NRK: variants seen among roughly 807,000 people sequenced by gnomAD.
NRK encodes nik-related protein kinase.
A neutral mutation model predicts 125.2 loss-of-function variants in NRK; 67 were observed. The ratio of observed to expected loss-of-function variants is 0.54; its 90% CI spans 0.44 to 0.66. The LOEUF (loss-of-function observed/expected upper bound fraction) is 0.66. Among genes scored for constraint, NRK ranks in the 30% least tolerant of loss-of-function variants. The pLI is 0.00. For missense variants in NRK, 1,224 were observed against 1,192.9 expected, an observed-to-expected ratio of 1.03 and a Z score of -0.38; for synonymous variants, 458 against 429.0, an observed-to-expected ratio of 1.07 and a Z score of -0.84.
At chrX:105,933,799 G>C (rs1478089618) in intron 19 of NRK, among the ~76,000 whole-genome samples, 1 of 111,863 alleles carries the variant, frequency 8.9e-6, no homozygotes, top group Non-Finnish European at 1.9e-5. Flanking sequence ...GTATGCTTTG[G>C]AATCAGACAG....
At chrX:105,939,084 A>T (rs2040703055) in intron 22 of NRK, among the ~76,000 whole-genome samples, 1 of 111,806 alleles carries the variant, frequency 8.9e-6, no homozygotes, top group East Asian at 2.8e-4. Context: ...TTGGATTAAA[A>T]TTCGAGACCA....
chrX:105,912,607 TAAC>T, intron 13 of NRK, 38 bp from the exon 14 acceptor site: 1 of 698,021 alleles, frequency 1.4e-6, no homozygotes, highest in Non-Finnish European at 2.1e-6. Flanking sequence ...ACTTGCATTT[TAAC>T]AACAATTAAA....
At chrX:105,868,707 C>T (rs1366845986) in intron 2 of NRK, among the ~76,000 whole-genome samples, 1 of 106,849 alleles carries the variant, frequency 9.4e-6, no homozygotes, top group African/African-American at 3.4e-5. Flanking sequence ...ACTTTCCCCC[C>T]ATCCACTTCC....
chrX:105,896,271 G>A (rs1463087235), intron 7 of NRK, among the ~76,000 whole-genome samples: 1 of 111,612 alleles, frequency 9.0e-6, no homozygotes, highest in East Asian at 2.8e-4. Flanking sequence ...ATAATCCCAT[G>A]GATATAGAGG....
Position 105,958,359 on chromosome X carries a change from G to A in NRK, c.*2759G>A, listed in dbSNP as rs1465926481. The A allele has an allele frequency of 2.7e-5, 3 of 112,087 alleles. No individual in the cohort carries two copies. Among genetic ancestry groups the A allele is most frequent in the African/African-American group, 9.7e-5 (3 of 30,836 alleles). The allele number at this position is 112,087 out of a possible 1,213,427, so 9.2% of individuals were successfully genotyped here. On this transcript the variant is annotated 3_prime_UTR_variant, in exon 29 of 29. Transcript: ENST00000243300. ...AAGTTTTAATATTTTAGCGCTATCA[G>A]TTTCTAAATGCATTAATTACTAACT...
chrX:105,908,231 T>TA lies in NRK; in HGVS notation c.1022-2dup, dbSNP rs773898090. ...TTATGCATTATGTTTTTCTCTTTTG[T>TA]AAAAAAAGGAATACCTTTGATCTTT... is the stretch of plus-strand genomic sequence containing the variant. On this transcript the variant is annotated splice_polypyrimidine_tract_variant and intron_variant, in intron 11 of 28. Transcript: ENST00000243300. The TA allele has an allele frequency of 1.9e-5, 20 of 1,049,904 alleles. No individual in the cohort carries two copies. The East Asian group carries it at 2.0e-4, about 11-fold the overall frequency. 86.5% of individuals were successfully genotyped at this position (1,049,904 alleles called of 1,213,427 possible).
chrX:105,908,392 C>A, intron 12 of NRK, 89 bp downstream of exon 12: 1 of 479,944 alleles, frequency 2.1e-6, no homozygotes. Flanking sequence ...TTCAGAAAGA[C>A]TTAATTCTTT....
Position 105,955,493 on chromosome X carries a change from T to G in NRK, c.4654-12T>G. On this transcript the variant is annotated splice_polypyrimidine_tract_variant and intron_variant, in intron 28 of 28. Transcript: ENST00000243300. Reference sequence around the variant, plus strand: ...AAATATCTGTTGACAGTGTATTTCTTTCTTTTTCAAGCTGTTCTTTACCTC... The same window carrying G: ...AAATATCTGTTGACAGTGTATTTCTGTCTTTTTCAAGCTGTTCTTTACCTC... 1 of 1,106,229 alleles carries G rather than the reference T, an allele frequency of 9.0e-7. No individual in the cohort carries two copies. Among genetic ancestry groups the G allele is most frequent in the South Asian group, 2.0e-5 (1 of 50,368 alleles). The allele number at this position is 1,106,229 out of a possible 1,213,427, so 91.2% of individuals were successfully genotyped here.
At position 105,905,282 on chromosome X, in the gene NRK, C is replaced by A. The variant is rs2040206143; in HGVS notation, c.784C>A (p.Pro262Thr). The A allele has an allele frequency of 1.7e-6, 2 of 1,204,889 alleles. No individual in the cohort carries two copies. Among genetic ancestry groups the A allele is most frequent in the Non-Finnish European group, 2.2e-6 (2 of 890,913 alleles). The change falls in exon 10 of 29, where the codon CCC (proline) becomes ACC (threonine). Residue 262 changes from proline to threonine, a missense_variant. By Grantham distance (38) the Pro-to-Thr change is conservative. Transcript: ENST00000243300. Reference sequence around the variant, plus strand: ...CTTTGCAGCTCTGTGTAACCTTCAACCCTTGGAAGCTCTCTTCGTTATTTT... The same window carrying A: ...CTTTGCAGCTCTGTGTAACCTTCAAACCTTGGAAGCTCTCTTCGTTATTTT... ...EGAPPLCNLQ[P>T]LEALFVILRE...
Position 105,923,133 on chromosome X carries a change from A to C in NRK, c.2626A>C (p.Lys876Gln). 1 of 1,200,424 alleles carries C rather than the reference A, an allele frequency of 8.3e-7. No individual in the cohort carries two copies. Among genetic ancestry groups the C allele is most frequent in the Non-Finnish European group, 1.1e-6 (1 of 887,051 alleles). ...GTGCACACAGGTTCCAGATGGATTT[A>C]AAGTAGGAAAAATATCACCCCCTGT... Reference protein sequence around the residue: ...LVDIHVPDGFKVGKISPPVYL... With the variant: ...LVDIHVPDGFQVGKISPPVYL... Residue 876 changes from lysine (K) to glutamine (Q), a missense_variant, in exon 18 of 29, where the codon AAA (lysine) becomes CAA (glutamine). Lys to Gln is a moderately conservative substitution (Grantham distance 53). Coordinates refer to ENST00000243300, the MANE Select transcript of NRK (RefSeq NM_198465.4).
At position 105,826,259 on chromosome X, in the gene NRK, TA is replaced by T. The variant is rs1270688556; in HGVS notation, c.57+3358del. ...CATATATAATATATATGATAATATA[TA>T]TTTCATATATAATATATATGAAATA... On this transcript the variant is annotated intron_variant, in intron 1 of 28. Coordinates refer to ENST00000243300, the MANE Select transcript of NRK (RefSeq NM_198465.4). Among the ~76,000 whole-genome samples the T allele has an allele frequency of 3.8e-5, 3 of 78,914 alleles. No homozygotes were observed. The East Asian group carries it at 1.0e-3, about 27-fold the overall frequency. 68.5% of individuals were successfully genotyped at this position (78,914 alleles called of 115,157 possible).
At chrX:105,850,695 C>T (rs2039461183) in intron 2 of NRK, among the ~76,000 whole-genome samples, 1 of 112,013 alleles carries the variant, frequency 8.9e-6, no homozygotes, top group Admixed American at 9.5e-5. Flanking sequence ...GGCAAAATGC[C>T]ACCAGTCTCT....
chrX:105,877,591 G>C (rs1339106537), intron 2 of NRK, among the ~76,000 whole-genome samples: 1 of 110,293 alleles, frequency 9.1e-6, no homozygotes, highest in Non-Finnish European at 1.9e-5. Context: ...GGTACAGGGG[G>C]AACTCTTCTG....
chrX:105,927,860 T>C (rs1180272870), intron 19 of NRK, among the ~76,000 whole-genome samples: 2 of 111,535 alleles, frequency 1.8e-5, no homozygotes, highest in Non-Finnish European at 3.8e-5. Context: ...ATTTTTGATA[T>C]GGTATTGGAT....
intron 23 of NRK, among the ~76,000 whole-genome samples, chrX:105,941,893 C>T (rs1225056343): frequency 9.1e-6 from 1 of 110,269 alleles, no homozygotes; most frequent in Non-Finnish European, 1.9e-5. Context: ...TATTCATTAA[C>T]AGTTACCCCC....
At chrX:105,869,814 G>A (rs954962169) in intron 2 of NRK, among the ~76,000 whole-genome samples, 13 of 112,133 alleles carry the variant, frequency 1.2e-4, no homozygotes, top group African/African-American at 4.2e-4. Flanking sequence ...TGTGCTGTTT[G>A]ATAGAATTGG....
At chrX:105,856,900 C>T (rs2039538077) in intron 2 of NRK, among the ~76,000 whole-genome samples, 1 of 110,866 alleles carries the variant, frequency 9.0e-6, no homozygotes, top group Non-Finnish European at 1.9e-5. Flanking sequence ...AGGCATGTGA[C>T]CTCTCAATTT....
intron 1 of NRK, among the ~76,000 whole-genome samples, chrX:105,824,880 A>G (rs1295452406): frequency 9.0e-6 from 1 of 111,619 alleles, no homozygotes; most frequent in East Asian, 2.8e-4. Context: ...CATTTTCCAG[A>G]CTTAATGAAA....
intron 2 of NRK, among the ~76,000 whole-genome samples, chrX:105,836,100 G>A (rs1157296952): frequency 8.9e-6 from 1 of 111,913 alleles, no homozygotes; most frequent in Non-Finnish European, 1.9e-5. Context: ...GCAGGTGCTT[G>A]TCTTTCTCCA....
Sources: allele counts gnomAD v4.1 joint callset (sites outside exome capture counted in the v4.1 genomes callset), GRCh38; gene constraint gnomAD v4.1.1; transcripts MANE v1.5; gene names NCBI Gene and HGNC (gene_info 2026-07-23, HGNC 2026-07-21).